The following DRAM1 variants were observed in gnomAD, a reference collection of about 807,000 sequenced individuals.
DRAM1 encodes DNA damage regulated autophagy modulator 1.
DRAM1 carries 25 observed loss-of-function variants against 28.5 expected under a neutral mutation model. That is an observed-to-expected ratio of 0.88 (90% confidence interval 0.64 to 1.23). DRAM1 has a LOEUF of 1.23. Ranked by LOEUF, DRAM1 falls within the 50% of genes most tolerant of loss-of-function variation. The pLI is 0.00. For missense variants in DRAM1, 249 were observed against 299.2 expected (o/e 0.83, Z 1.24); for synonymous variants, 113 against 114.2 (o/e 0.99, Z 0.07).
At chr12:101,886,442 G>T (rs1039620187) in intron 1 of DRAM1, among the ~76,000 whole-genome samples, 3 of 152,206 alleles carry the variant, frequency 2.0e-5, no homozygotes, top group African/African-American at 7.2e-5. Flanking sequence ...AGAAGCACTT[G>T]CTATTAGTAT....
chr12:101,890,960 A>G (rs74809025), intron 1 of DRAM1, among the ~76,000 whole-genome samples: 1 of 152,060 alleles, frequency 6.6e-6, no homozygotes, highest in Admixed American at 6.6e-5. Context: ...CATGTTGGCC[A>G]GGATGGTCTC....
intron 4 of DRAM1, among the ~76,000 whole-genome samples, chr12:101,909,711 G>A (rs1192210866): frequency 6.6e-6 from 1 of 152,104 alleles, no homozygotes; most frequent in African/African-American, 2.4e-5. Context: ...AATCTGAAAG[G>A]AAATGAAAAT....
intron 1 of DRAM1, among the ~76,000 whole-genome samples, chr12:101,892,299 G>A (rs924806264): frequency 2.0e-5 from 3 of 150,866 alleles, no homozygotes; most frequent in African/African-American, 4.9e-5. Flanking sequence ...GCAGTGGTGC[G>A]ATCTCGGCTC....
chr12:101,915,823 G>C (rs762968097), intron 5 of DRAM1, among the ~76,000 whole-genome samples: 1 of 151,936 alleles, frequency 6.6e-6, no homozygotes, highest in Non-Finnish European at 1.5e-5. Context: ...GCCTCCTAAA[G>C]TGCTGGGATT....
At position 101,877,891 on chromosome 12, in the gene DRAM1, G is replaced by C; in HGVS notation, c.102G>C (p.Gly34=). The change falls in exon 1 of 7, where the codon GGG becomes GGC. Residue 34 remains glycine (G), a synonymous_variant. Coordinates refer to ENST00000258534, the MANE Select transcript of DRAM1 (RefSeq NM_018370.3). The surrounding 1 kb of genome is among the most constrained non-coding windows in gnomAD (Gnocchi z 4.1). ...IISYVVAVLS[G]HVNPFLPYIS... is the part of the protein sequence containing the mutation. ...CCTACGTGGTCGCCGTGCTCTCCGG[G>C]CACGTCAACCCCTTCCTCCCGTATA... is the stretch of plus-strand genomic sequence containing the variant. 6.5e-7 allele frequency: 1 copy of C among 1,543,472 alleles called. No homozygotes were observed. Among genetic ancestry groups the C allele is most frequent in the Middle Eastern group, 1.7e-4 (1 of 5,960 alleles).
intron 5 of DRAM1, among the ~76,000 whole-genome samples, chr12:101,918,125 T>G (rs1303857834): frequency 1.3e-5 from 2 of 152,256 alleles, no homozygotes; most frequent in Non-Finnish European, 2.9e-5. Flanking sequence ...CCCTTTACAT[T>G]AATTCACTGA....
At chr12:101,921,154 C>A in intron 6 of DRAM1, 62 bp from the exon 7 acceptor site, 2 of 1,204,404 alleles carry the variant, frequency 1.7e-6, no homozygotes, top group Non-Finnish European at 2.5e-6. Context: ...TTGGAAATGT[C>A]ATTGTCAACG....
intron 1 of DRAM1, among the ~76,000 whole-genome samples, chr12:101,889,666 G>A (rs112298419): frequency 0.062 from 9,399 of 152,236 alleles, 694 homozygotes; most frequent in African/African-American, 0.17. Context: ...TGAGCAGGAC[G>A]TGGTGGCTTA....
At chr12:101,903,949 ACACACACACACACC>A (rs1873695831) in intron 3 of DRAM1, among the ~76,000 whole-genome samples, 1 of 147,364 alleles carries the variant, frequency 6.8e-6, no homozygotes, top group African/African-American at 2.6e-5. Flanking sequence ...ACACACACAC[ACACACACACACACC>A]CCTATAAGCC....
chr12:101,904,478 G>A (rs1402322546), intron 3 of DRAM1, among the ~76,000 whole-genome samples: 1 of 101,456 alleles, frequency 9.9e-6, no homozygotes, highest in African/African-American at 3.9e-5. Context: ...GTCTTGCTCT[G>A]TCACCCAGGC....
rs1874559640 is a variant in DRAM1, at chr12:101,923,438, C to T, written c.*2178C>T. The T allele has an allele frequency of 6.6e-6, 1 of 152,148 alleles. No individual in the cohort carries two copies. Among genetic ancestry groups the T allele is most frequent in the African/African-American group, 2.4e-5 (1 of 41,420 alleles). 9.4% of individuals were successfully genotyped at this position (152,148 alleles called of 1,614,324 possible). On this transcript the variant is annotated 3_prime_UTR_variant, in exon 7 of 7. Coordinates refer to ENST00000258534, the MANE Select transcript of DRAM1 (RefSeq NM_018370.3). ...GCCTTAATCTTTATCTTTGTAATGCCACAATGAACAGAGTGCCTCCTGGTA... is the reference window on the plus strand; with the variant it reads ...GCCTTAATCTTTATCTTTGTAATGCTACAATGAACAGAGTGCCTCCTGGTA...
Position 101,923,386 on chromosome 12 carries a change from T to A in DRAM1, c.*2126T>A, listed in dbSNP as rs547425653. On this transcript the variant is annotated 3_prime_UTR_variant, in exon 7 of 7. Transcript: ENST00000258534. ...TTCACATCTCTCTGCACAATTAGAT[T>A]GGGAGCTCCTTGAGGGCAGAGTACG... The A allele has an allele frequency of 2.3e-4, 35 of 152,358 alleles. No homozygotes were observed. Among genetic ancestry groups the A allele is most frequent in the African/African-American group, 8.4e-4 (35 of 41,582 alleles). The allele number at this position is 152,358 out of a possible 1,614,324, so 9.4% of individuals were successfully genotyped here.
chr12:101,878,924 TG>T (rs977681090), intron 1 of DRAM1, among the ~76,000 whole-genome samples: 3 of 151,926 alleles, frequency 2.0e-5, no homozygotes, highest in African/African-American at 7.3e-5. Flanking sequence ...TTCCTTTTTT[TG>T]GGGGTGGGGG....
chr12:101,920,007 TG>T, intron 5 of DRAM1, 101 bp from the exon 6 acceptor site: 1 of 748,146 alleles, frequency 1.3e-6, no homozygotes. Context: ...TTATGCTCAC[TG>T]GACAGCTTTT....
intron 1 of DRAM1, among the ~76,000 whole-genome samples, chr12:101,887,092 C>G (rs1354154539): frequency 6.9e-6 from 1 of 144,270 alleles, no homozygotes; most frequent in Non-Finnish European, 1.5e-5. Context: ...TTGCTGTGAG[C>G]TGAGATTGTG....
intron 4 of DRAM1, among the ~76,000 whole-genome samples, chr12:101,911,096 C>A (rs144866344): frequency 1.3e-5 from 2 of 151,908 alleles, no homozygotes; most frequent in Non-Finnish European, 2.9e-5. Context: ...ATTAGCCAAG[C>A]GTGGTGGCGT....
chr12:101,885,550 C>CA (rs1872855923), intron 1 of DRAM1, among the ~76,000 whole-genome samples: 1 of 99,990 alleles, frequency 1.0e-5, no homozygotes, highest in African/African-American at 4.1e-5. Flanking sequence ...TTTTTTTTGA[C>CA]AGAGTTTTGC....
chr12:101,895,725 C>T (rs147827545), intron 1 of DRAM1, among the ~76,000 whole-genome samples: 1,935 of 151,372 alleles, frequency 0.013, 23 homozygotes, highest in Non-Finnish European at 0.02. Context: ...CGTCTGCCAC[C>T]GCGCCTGGCT....
chr12:101,911,287 G>GT (rs1874031377), intron 4 of DRAM1, among the ~76,000 whole-genome samples: 1 of 152,172 alleles, frequency 6.6e-6, no homozygotes, highest in Admixed American at 6.5e-5. Flanking sequence ...TCTTACTGCA[G>GT]TATTTCTGTA....
Sources: gnomAD v4.1 joint callset for allele counts (sites outside exome capture counted in the v4.1 genomes callset) on GRCh38, gnomAD v4.1.1 for gene constraint, Gnocchi (gnomAD v3.1) non-coding constraint, MANE v1.5 for transcripts, NCBI Gene and HGNC (gene_info 2026-07-23, HGNC 2026-07-21) for gene names.